Variants in PDGFA observed in about 807,000 individuals in gnomAD.
The protein encoded by PDGFA is platelet derived growth factor subunit A.
Under a neutral mutation model 25.6 loss-of-function variants are expected in PDGFA, and 9 were observed. The observed-to-expected ratio is 0.35, with a 90% CI of 0.21 to 0.61. The LOEUF (loss-of-function observed/expected upper bound fraction) is 0.61, where lower values mean the gene tolerates loss of function less well. PDGFA is among the 20% of genes least tolerant of loss of function. PDGFA has a pLI of 0.75. For missense variants in PDGFA, 242 were observed against 272.8 expected, an observed-to-expected ratio of 0.89 and a Z score of 0.79; for synonymous variants, 133 against 111.8, an observed-to-expected ratio of 1.19 and a Z score of -1.20.
chr7:503,419 C>T (rs1384327092), intron 4 of PDGFA, among the ~76,000 whole-genome samples: 8 of 152,198 alleles, frequency 5.3e-5, no homozygotes, highest in Non-Finnish European at 1.2e-4. Context: ...CCCCTGAGCA[C>T]AGGGGCGTGG....
intron 4 of PDGFA, among the ~76,000 whole-genome samples, chr7:502,726 C>T (rs1782400297): frequency 6.7e-6 from 1 of 149,250 alleles, no homozygotes; most frequent in Non-Finnish European, 1.5e-5. Flanking sequence ...CAGTCCAGGC[C>T]AGAGAGGGGA....
chr7:520,097 C>A, upstream of PDGFA: 1 of 395,106 alleles, frequency 2.5e-6, no homozygotes, highest in Non-Finnish European at 5.0e-6. Flanking sequence ...CTCCGCGCCC[C>A]TCCCTCGAGC....
At chr7:514,836 A>C (rs1420694488) in intron 2 of PDGFA, among the ~76,000 whole-genome samples, 1 of 152,238 alleles carries the variant, frequency 6.6e-6, no homozygotes, top group Non-Finnish European at 1.5e-5. Flanking sequence ...TGGCCTCTGG[A>C]TCTAAAAGCC....
rs1782321197 is a variant in PDGFA at position 501,177 on chromosome 7, C to T, written c.519G>A (p.Glu173=). 3 of 1,614,130 alleles carry T rather than the reference C, an allele frequency of 1.9e-6. No individual in the cohort carries two copies. The African/African-American group carries it at 4.0e-5, about 22-fold the overall frequency. Reference sequence around the variant, plus strand: ...TGGTCGCGCAGGCGCACTCCAAATGCTCCTCTAACCTCACCTGGACTTCTT... The same window carrying T: ...TGGTCGCGCAGGCGCACTCCAAATGTTCCTCTAACCTCACCTGGACTTCTT... The change falls in exon 5 of 6, where the codon GAG becomes GAA. Residue 173 remains glutamate (E), a synonymous_variant. Coordinates refer to ENST00000402802, the Ensembl canonical transcript of PDGFA.
rs1010701034 is a variant in PDGFA at position 500,226 on chromosome 7, C to A, written c.580+890G>T. The stretch of plus-strand genomic sequence containing the variant: ...ACAAAGCTGGAGGCAGGCTCCCAAG[C>A]GGGAGTGAGCCACGGGCCAGGGCGT... On this transcript the variant is annotated intron_variant, in intron 5 of 5. Coordinates refer to ENST00000402802, the Ensembl canonical transcript of PDGFA. The surrounding 1 kb of genome is among the most constrained non-coding windows in gnomAD (Gnocchi z 5.0). Among the ~76,000 whole-genome samples, 1 of 152,186 alleles carries A rather than the reference C, an allele frequency of 6.6e-6. No homozygotes were observed. The highest frequency in any genetic ancestry group is 2.1e-4 in the South Asian group (1 of 4,830).
chr7:513,370 G>A (rs1782951855), intron 2 of PDGFA: 1 of 152,110 alleles, frequency 6.6e-6, no homozygotes, highest in South Asian at 2.1e-4. Context: ...GGAGTCTCAG[G>A]TCTCTCCAAA....
intron 4 of PDGFA, 92 bp downstream of exon 4, chr7:510,717 G>A (rs1258799118): frequency 1.3e-5 from 6 of 444,964 alleles, no homozygotes; most frequent in African/African-American, 4.0e-5. Context: ...GGGAGGGGAG[G>A]GGAGGGGAGA....
At chr7:498,598 A>G (rs1782197394) in intron 5 of PDGFA, 24 bp from the exon 6 acceptor site, 1 of 1,609,102 alleles carries the variant, frequency 6.2e-7, no homozygotes, top group Admixed American at 1.7e-5. Flanking sequence ...GGAAAGACAG[A>G]CACTGAGACC....
Position 502,918 on chromosome 7 carries a change from G to A in PDGFA, c.454-1676C>T, listed in dbSNP as rs377297744. Among the ~76,000 whole-genome samples the A allele has an allele frequency of 1.8e-3, 278 of 152,078 alleles. 1 individual carries two copies. The highest frequency in any genetic ancestry group is 6.4e-3 in the African/African-American group (266 of 41,466). ...GGGGAGGCAACTCCACCCCCCACCA[G>A]TCATGCATGTGTAATGTACACAGGG... On this transcript the variant is annotated intron_variant, in intron 4 of 5. Transcript: ENST00000402802.
intron 3 of PDGFA, among the ~76,000 whole-genome samples, chr7:511,978 C>T (rs112274424): frequency 6.6e-6 from 1 of 152,308 alleles, no homozygotes; most frequent in African/African-American, 2.4e-5. Context: ...GCCCACACTG[C>T]GAATTGGAAA....
intron 4 of PDGFA, among the ~76,000 whole-genome samples, chr7:501,443 G>A (rs534221917): frequency 1.3e-5 from 2 of 152,288 alleles, no homozygotes; most frequent in East Asian, 3.9e-4. Flanking sequence ...TTGTGTGTGT[G>A]TGTTTTAGTT....
At chr7:513,198 A>C (rs1782943165) in intron 2 of PDGFA, 1 of 154,904 alleles carries the variant, frequency 6.5e-6, no homozygotes, top group Non-Finnish European at 1.4e-5. Context: ...GGCATCTGCG[A>C]GCCGTGTTTA....
intron 4 of PDGFA, among the ~76,000 whole-genome samples, chr7:508,461 T>C (rs1289716628): frequency 6.9e-6 from 1 of 145,374 alleles, no homozygotes; most frequent in Non-Finnish European, 1.5e-5. Flanking sequence ...TCAGGAGGCT[T>C]AGGTGGGAGG....
chr7:502,011 C>T (rs1415252293), intron 4 of PDGFA, among the ~76,000 whole-genome samples: 1 of 152,148 alleles, frequency 6.6e-6, no homozygotes, highest in Non-Finnish European at 1.5e-5. Context: ...GATCACTTAA[C>T]TCCAGGGGTT....
At chr7:512,706 C>T in intron 2 of PDGFA, 1 of 1,391,674 alleles carries the variant, frequency 7.2e-7, no homozygotes, top group Non-Finnish European at 9.4e-7. Context: ...GAGGTCCCCA[C>T]ATTCAGGGGC....
chr7:519,924 C>CT (rs1783299851), upstream of PDGFA: 1 of 130,130 alleles, frequency 7.7e-6, no homozygotes, highest in South Asian at 2.5e-4. Flanking sequence ...GCCCCCCCCC[C>CT]CCGCCTCCCC....
chr7:519,914 G>GCCCCCCCCCCCCCCCCCCC (rs758427523), upstream of PDGFA: 1 of 59,406 alleles, frequency 1.7e-5, no homozygotes, highest in Non-Finnish European at 3.0e-5. Flanking sequence ...CCCCGCCCCC[G>GCCCCCCCCCCCCCCCCCCC]CCCCCCCCCC....
intron 2 of PDGFA, among the ~76,000 whole-genome samples, chr7:513,775 C>T (rs191814473): frequency 3.3e-5 from 5 of 152,182 alleles, no homozygotes; most frequent in African/African-American, 4.8e-5. Flanking sequence ...TCCGCACCCC[C>T]GAGGAGCCTG....
At chr7:514,667 C>A (rs918243963) in intron 2 of PDGFA, among the ~76,000 whole-genome samples, 2 of 152,230 alleles carry the variant, frequency 1.3e-5, no homozygotes, top group Non-Finnish European at 2.9e-5. Flanking sequence ...CCTGGTCTGG[C>A]ATTACTGGCC....
Sources: allele counts gnomAD v4.1 joint callset (sites outside exome capture counted in the v4.1 genomes callset), GRCh38; gene constraint gnomAD v4.1.1; non-coding constraint Gnocchi (gnomAD v3.1); transcripts MANE v1.5; gene names NCBI Gene and HGNC (gene_info 2026-07-23, HGNC 2026-07-21).